CDC25C: variants seen among roughly 807,000 people sequenced by gnomAD.
The protein encoded by CDC25C is cell division cycle 25C.
CDC25C carries 48 observed loss-of-function variants against 52.5 expected under a neutral mutation model. That is an observed-to-expected ratio of 0.91 (90% CI 0.72 to 1.16). The LOEUF is 1.16. CDC25C is among the 50% of genes most tolerant of loss of function. CDC25C has a pLI of 0.00. For synonymous variants in CDC25C, 187 were observed against 206.5 expected (o/e 0.91, Z 0.81); for missense variants, 510 against 566.1 (o/e 0.90, Z 1.01).
At chr5:138,317,696 A>AC (rs1472133369) in intron 7 of CDC25C, among the ~76,000 whole-genome samples, 1 of 150,604 alleles carries the variant, frequency 6.6e-6, no homozygotes, top group African/African-American at 2.4e-5. Flanking sequence ...AAAAAAAAAA[A>AC]AAAAAAAAAA....
chr5:138,313,999 T>TTTCTTTCTTTCTTTC (rs1561701478), intron 7 of CDC25C, among the ~76,000 whole-genome samples: 8 of 8,252 alleles, frequency 9.7e-4, no homozygotes, highest in East Asian at 0.014. Flanking sequence ...TTCTTTCTTT[T>TTTCTTTCTTTCTTTC]TTTTTTTTTT....
At chr5:138,326,202 G>A (rs1759844794) in intron 4 of CDC25C, 148 bp from the exon 5 acceptor site, 1 of 813,062 alleles carries the variant, frequency 1.2e-6, no homozygotes, top group Non-Finnish European at 2.1e-6. Flanking sequence ...AATACATAGG[G>A]TATTCTCTGT....
At chr5:138,313,995 C>CTTTCT (rs1554117939) in intron 7 of CDC25C, among the ~76,000 whole-genome samples, 9,760 of 112,472 alleles carry the variant, frequency 0.087, 616 homozygotes, top group Non-Finnish European at 0.11. Flanking sequence ...TTCTTTCTTT[C>CTTTCT]TTTTTTTTTT....
chr5:138,336,440 T>C (rs1036914090), upstream of CDC25C, among the ~76,000 whole-genome samples: 5 of 152,100 alleles, frequency 3.3e-5, no homozygotes, highest in African/African-American at 1.2e-4. Context: ...TCCCAGCACT[T>C]TGTGAGGCCA....
chr5:138,292,480 CAAAAAAAA>C (rs70982703), intron 7 of CDC25C, among the ~76,000 whole-genome samples: 9 of 63,526 alleles, frequency 1.4e-4, no homozygotes, highest in Non-Finnish European at 1.4e-4. Flanking sequence ...GTTATGTGAC[CAAAAAAAA>C]AAAAAAAAAA....
At chr5:138,315,085 C>T (rs1197545911) in intron 7 of CDC25C, among the ~76,000 whole-genome samples, 2 of 151,890 alleles carry the variant, frequency 1.3e-5, no homozygotes, top group Non-Finnish European at 2.9e-5. Context: ...AGATGCTCAC[C>T]ACCACGCCCA....
intron 6 of CDC25C, among the ~76,000 whole-genome samples, chr5:138,324,205 C>T (rs913937751): frequency 2.0e-5 from 3 of 147,722 alleles, no homozygotes; most frequent in Non-Finnish European, 3.0e-5. Context: ...AGGGAGGCAG[C>T]GGTTGCAGTG....
At chr5:138,312,728 C>T (rs4835676) in intron 7 of CDC25C, among the ~76,000 whole-genome samples, 68,690 of 151,882 alleles carry the variant, frequency 0.45, 16,879 homozygotes, top group South Asian at 0.68. Flanking sequence ...GCACAGAGTG[C>T]CAGTTTTCCA....
At chr5:138,330,895 T>C in intron 2 of CDC25C, 92 bp downstream of exon 2, 1 of 883,004 alleles carries the variant, frequency 1.1e-6, no homozygotes, top group Non-Finnish European at 1.8e-6. Context: ...GCCTGACCTT[T>C]GAGCCGGGAT....
In CDC25C at chr5:138,315,459, AT is replaced by A. The variant is rs1005531517; in HGVS notation, c.615+3759del. Among the ~76,000 whole-genome samples the A allele has an allele frequency of 2.4e-4, 37 of 151,586 alleles. 1 individual carries two copies. The highest frequency in any genetic ancestry group is 7.5e-4 in the African/African-American group (31 of 41,294). ...TACTGTATTACAAACTGCTCTTTAAATTTTTTTTTCTATTTTATGGAGGTAT... is the reference window on the plus strand; with the variant it reads ...TACTGTATTACAAACTGCTCTTTAAATTTTTTTTCTATTTTATGGAGGTAT... On this transcript the variant is annotated intron_variant, in intron 7 of 13. Coordinates refer to ENST00000323760, the MANE Select transcript of CDC25C (RefSeq NM_001790.5).
chr5:138,285,568 G>A lies in CDC25C; in HGVS notation c.*124C>T, dbSNP rs3813320. The A allele has an allele frequency of 1.7e-3, 1,507 of 870,400 alleles. 62 individuals carry two copies. The East Asian group carries it at 0.036, about 21-fold the overall frequency. 53.9% of individuals were successfully genotyped at this position (870,400 alleles called of 1,614,324 possible). A position where few individuals can be genotyped will look rare whatever the true frequency, so the allele number is the denominator to read the frequency against. On this transcript the variant is annotated 3_prime_UTR_variant, in exon 14 of 14. Coordinates refer to ENST00000323760, the MANE Select transcript of CDC25C (RefSeq NM_001790.5). ...TCCCAGGCCTGGATACAAGTTGGTA[G>A]CCTGTTGGTTTGCAGAGACATCTTT...
chr5:138,295,949 T>C (rs1326587099), intron 7 of CDC25C, among the ~76,000 whole-genome samples: 1 of 152,214 alleles, frequency 6.6e-6, no homozygotes, highest in Admixed American at 6.5e-5. Flanking sequence ...CTGCAGATTC[T>C]ATTAAAAGGC....
exon 1 of CDC25C, chr5:138,338,068 T>C: frequency 7.8e-7 from 1 of 1,289,698 alleles, no homozygotes; most frequent in Non-Finnish European, 1.0e-6. Context: ...ACCACCCCCA[T>C]CCCTAAATCA....
At chr5:138,329,457 T>C (rs1760158832) in intron 3 of CDC25C, 96 bp downstream of exon 3, 3 of 819,800 alleles carry the variant, frequency 3.7e-6, no homozygotes, top group Non-Finnish European at 6.1e-6. Context: ...CAGATTCTTT[T>C]TATACTTTCA....
chr5:138,337,616 G>A, intron 1 of CDC25C: 1 of 303,986 alleles, frequency 3.3e-6, no homozygotes, highest in Non-Finnish European at 6.3e-6. Context: ...AAAGTGTTCT[G>A]GGTGAGGGCA....
At chr5:138,290,505 C>T in intron 9 of CDC25C, 134 bp downstream of exon 9, 1 of 633,180 alleles carries the variant, frequency 1.6e-6, no homozygotes, top group South Asian at 1.9e-5. Context: ...CCTGGATCTA[C>T]CACTAGAGCA....
At chr5:138,330,715 C>A (rs1261297438) in intron 2 of CDC25C, among the ~76,000 whole-genome samples, 6 of 152,162 alleles carry the variant, frequency 3.9e-5, no homozygotes, top group Non-Finnish European at 8.8e-5. Context: ...TGCCATGTTG[C>A]CCAGGCTGGT....
chr5:138,338,346 C>G (rs765422000), upstream of CDC25C: 4 of 440,528 alleles, frequency 9.1e-6, no homozygotes, highest in South Asian at 6.4e-5. Context: ...GGCCTCGGGG[C>G]GGGCACCTCA....
chr5:138,318,004 A>G (rs1269636027), intron 7 of CDC25C, among the ~76,000 whole-genome samples: 31 of 152,320 alleles, frequency 2.0e-4, no homozygotes, highest in African/African-American at 5.1e-4. Flanking sequence ...TAGTGACCTG[A>G]TAACCTATCA....
Sources: allele counts gnomAD v4.1 joint callset (sites outside exome capture counted in the v4.1 genomes callset), GRCh38; gene constraint gnomAD v4.1.1; transcripts MANE v1.5; gene names NCBI Gene and HGNC (gene_info 2026-07-23, HGNC 2026-07-21).